Variants in NME9 observed in about 807,000 individuals in gnomAD.
NME9 encodes NME/NM23 family member 9, also known as thioredoxin domain-containing protein 6.
In NME9, 48 loss-of-function variants were observed where a neutral mutation model predicts 44.4. The ratio of observed to expected loss-of-function variants is 1.08; its 90% confidence interval spans 0.86 to 1.37. The LOEUF (loss-of-function observed/expected upper bound fraction) is 1.37, where lower values mean the gene tolerates loss of function less well. Among genes scored for constraint, NME9 ranks in the 40% most tolerant of loss-of-function variants. The pLI is 0.00. For missense variants in NME9, 325 were observed against 405.2 expected (o/e 0.80, Z 1.70); for synonymous variants, 139 against 147.1 (o/e 0.94, Z 0.40).
chr3:138,305,903 T>G (rs1577127987), intron 8 of NME9, 101 bp downstream of exon 8: 1 of 834,852 alleles, frequency 1.2e-6, no homozygotes, highest in East Asian at 2.4e-5. Flanking sequence ...ATTTTGGTTC[T>G]TCATAATTTC....
Position 138,319,718 on chromosome 3 carries a change from C to T in NME9, c.92-137G>A, listed in dbSNP as rs1168789595. 6 of 619,110 alleles carry T rather than the reference C, an allele frequency of 9.7e-6. No individual in the cohort carries two copies. The East Asian group carries it at 1.4e-4, about 14-fold the overall frequency. The allele number at this position is 619,110 out of a possible 1,614,324, so 38.4% of individuals were successfully genotyped here. ...GATATCTAATGGTTAAAGGGATTTA[C>T]TATCCCATGAGATTATAAGCCAGGG... On this transcript the variant is annotated intron_variant, in intron 2 of 10. Coordinates refer to ENST00000333911, the MANE Select transcript of NME9 (RefSeq NM_001349018.2).
Position 138,273,962 on chromosome 3 carries a change from G to A in NME9, c.746-11376C>T, listed in dbSNP as rs148388904. Reference sequence around the variant, plus strand: ...CTCCCAAGTAGCTGGGATTACAGGCGTGTACCACCATGCCCAGCTAATTTT... The same window carrying A: ...CTCCCAAGTAGCTGGGATTACAGGCATGTACCACCATGCCCAGCTAATTTT... On this transcript the variant is annotated intron_variant, in intron 8 of 8. Transcript: ENST00000317876. Among the ~76,000 whole-genome samples the A allele has an allele frequency of 7.3e-3, 1,107 of 152,012 alleles. 10 individuals carry two copies. Among genetic ancestry groups the A allele is most frequent in the African/African-American group, 0.025 (1,032 of 41,486 alleles).
chr3:138,322,064 CAG>C (rs1354834574), intron 2 of NME9, among the ~76,000 whole-genome samples: 2 of 151,916 alleles, frequency 1.3e-5, no homozygotes, highest in East Asian at 3.9e-4. Context: ...TCACAATTGA[CAG>C]ATTTTGTTTT....
Position 138,319,569 on chromosome 3 carries a change from T to C in NME9, c.104A>G (p.Tyr35Cys). Reference sequence around the variant, plus strand: ...TTTGCAGGGGCCACACCAGCCTTGATAGACATCAACAACTGTGTGGAACCA... The same window carrying C: ...TTTGCAGGGGCCACACCAGCCTTGACAGACATCAACAACTGTGTGGAACCA... The part of the protein sequence containing the change: ...SSKGLTVVDV[Y>C]QGWCGPCKPV... The change falls in exon 3 of 11, where the codon TAT (tyrosine) becomes TGT (cysteine). Residue 35 changes from tyrosine (Y) to cysteine (C), a missense_variant. Physicochemically the swap from Tyr to Cys is radical, Grantham distance 194 (BLOSUM62 -2). Coordinates refer to ENST00000333911, the MANE Select transcript of NME9 (RefSeq NM_001349018.2). 2 of 1,606,844 alleles carry C rather than the reference T, an allele frequency of 1.2e-6. No homozygotes were observed. The highest frequency in any genetic ancestry group is 1.7e-6 in the Non-Finnish European group (2 of 1,173,414).
chr3:138,295,027 T>C (rs1273384220), intron 8 of NME9, among the ~76,000 whole-genome samples: 1 of 151,840 alleles, frequency 6.6e-6, no homozygotes, highest in African/African-American at 2.4e-5. Flanking sequence ...GCCTCCGAAG[T>C]GGTTGGGATT....
intron 8 of NME9, among the ~76,000 whole-genome samples, chr3:138,273,392 T>C (rs2048966623): frequency 6.6e-6 from 1 of 152,158 alleles, no homozygotes; most frequent in African/African-American, 2.4e-5. Context: ...GTGCCTACCT[T>C]GATTTGTTAC....
chr3:138,264,191 T>C (rs1160885707), intron 8 of NME9: 3 of 1,613,936 alleles, frequency 1.9e-6, no homozygotes, highest in East Asian at 4.5e-5. Context: ...AGGATCATGC[T>C]GTTTGGAAAC....
intron 8 of NME9, chr3:138,264,256 C>T: frequency 1.3e-6 from 2 of 1,490,962 alleles, no homozygotes; most frequent in Non-Finnish European, 1.9e-6. Context: ...CTCACAGACC[C>T]TAGAGTGAGC....
chr3:138,329,154 G>T, intron 1 of NME9, 149 bp downstream of exon 1: 1 of 693,314 alleles, frequency 1.4e-6, no homozygotes. Flanking sequence ...GTCCCTTTAA[G>T]ACGGAAGGGT....
intron 8 of NME9, chr3:138,263,676 T>TAC: frequency 7.5e-7 from 1 of 1,341,636 alleles, no homozygotes; most frequent in Non-Finnish European, 1.1e-6. Context: ...TACTTGCATT[T>TAC]ACAAGCAGTG....
At chr3:138,325,013 C>G (rs751838351) in intron 1 of NME9, 83 bp from the exon 2 acceptor site, 1 of 1,103,818 alleles carries the variant, frequency 9.1e-7, no homozygotes, top group East Asian at 2.4e-5. Flanking sequence ...AGATTTCTCT[C>G]TTCTATCTCT....
intron 8 of NME9, chr3:138,269,949 GA>G: frequency 1.3e-6 from 1 of 746,812 alleles, no homozygotes; most frequent in Non-Finnish European, 2.2e-6. Context: ...TAAGAGTGGG[GA>G]AGAAATCACA....
intron 8 of NME9, among the ~76,000 whole-genome samples, chr3:138,284,036 T>C (rs1318317985): frequency 6.6e-6 from 1 of 152,164 alleles, no homozygotes; most frequent in East Asian, 1.9e-4. Context: ...CCTACAGAGC[T>C]TCCACCAAAG....
At chr3:138,291,743 G>T (rs1313989634) in intron 8 of NME9, among the ~76,000 whole-genome samples, 1 of 152,204 alleles carries the variant, frequency 6.6e-6, no homozygotes, top group East Asian at 1.9e-4. Context: ...TTTCATCTGG[G>T]CAAATGCATA....
intron 8 of NME9, among the ~76,000 whole-genome samples, chr3:138,293,308 G>A (rs192967043): frequency 2.6e-5 from 4 of 152,310 alleles, no homozygotes; most frequent in Admixed American, 1.3e-4. Context: ...TTGGGAGGCC[G>A]AGGTAAGCGG....
chr3:138,329,677 G>A lies in NME9; in HGVS notation c.-342C>T, dbSNP rs573075931. ...CGCCGGGCGCGGTGCAGCCTGTCGG[G>A]CACAGGGTCGCCAGTCGAGGAATTC... On this transcript the variant is annotated 5_prime_UTR_variant, in exon 1 of 11. Coordinates refer to ENST00000333911, the MANE Select transcript of NME9 (RefSeq NM_001349018.2). The A allele has an allele frequency of 2.5e-6, 3 of 1,191,214 alleles. No homozygotes were observed. Among genetic ancestry groups the A allele is most frequent in the South Asian group, 5.2e-5 (2 of 38,582 alleles). The allele number at this position is 1,191,214 out of a possible 1,614,324, so 73.8% of individuals were successfully genotyped here.
intron 8 of NME9, among the ~76,000 whole-genome samples, chr3:138,279,610 T>C (rs968537394): frequency 3.9e-5 from 6 of 152,198 alleles, no homozygotes; most frequent in African/African-American, 1.4e-4. Context: ...TTGTGAAGAA[T>C]TAATTATTTT....
At chr3:138,327,027 A>C (rs1049239487) in intron 1 of NME9, 1 of 148,918 alleles carries the variant, frequency 6.7e-6, no homozygotes, top group Admixed American at 6.8e-5. Context: ...GTGGTGGCGC[A>C]TACCTGTTTT....
intron 6 of NME9, among the ~76,000 whole-genome samples, chr3:138,310,584 T>C (rs188155856): frequency 1.3e-5 from 2 of 151,970 alleles, no homozygotes; most frequent in African/African-American, 2.4e-5. Context: ...CACAGTGAAA[T>C]AAAATTAGAA....
Sources: gnomAD v4.1 joint callset for allele counts (sites outside exome capture counted in the v4.1 genomes callset) on GRCh38, gnomAD v4.1.1 for gene constraint, MANE v1.5 for transcripts, NCBI Gene and HGNC (gene_info 2026-07-23, HGNC 2026-07-21) for gene names.